The following WNK3 variants were observed in gnomAD, a reference collection of about 807,000 sequenced individuals.
WNK3 encodes the protein serine/threonine-protein kinase WNK3.
WNK3 carries 18 observed loss-of-function variants against 116.7 expected under a neutral mutation model. The ratio of observed to expected loss-of-function variants is 0.15; its 90% CI spans 0.11 to 0.23. The LOEUF is 0.23. WNK3 is among the 10% of genes least tolerant of loss of function. WNK3 has a pLI of 1.00. For synonymous variants in WNK3, 404 were observed against 469.4 expected (o/e 0.86, Z 1.80); for missense variants, 993 against 1,323.8 (o/e 0.75, Z 3.88).
intron 13 of WNK3, among the ~76,000 whole-genome samples, chrX:54,252,264 A>G (rs1343823368): frequency 9.0e-6 from 1 of 111,337 alleles, no homozygotes; most frequent in East Asian, 2.8e-4. Flanking sequence ...ATTTTAAAAA[A>G]TATGTCATTC....
In WNK3 at chrX:54,333,262, C is replaced by T. The variant is rs1557174633; in HGVS notation, c.412G>A (p.Val138Ile). The change falls in exon 2 of 24, where the codon GTA (valine) becomes ATA (isoleucine). Residue 138 changes from valine (V) to isoleucine (I), a missense_variant. Val to Ile is a conservative substitution (Grantham distance 29). Around this residue, in one of 4 missense-constraint regions of WNK3, gnomAD observed 92 missense variants for 98.7 expected, o/e 0.93. Transcript: ENST00000354646. ...AATCTGCCACTAGGAGAAGTAGCTACAGCCTTCATTTCTGCTTCTTCTTCC... is the reference window on the plus strand; with the variant it reads ...AATCTGCCACTAGGAGAAGTAGCTATAGCCTTCATTTCTGCTTCTTCTTCC... 1 of 1,210,904 alleles carries T rather than the reference C, an allele frequency of 8.3e-7. No individual in the cohort carries two copies. Among genetic ancestry groups the T allele is most frequent in the African/African-American group, 1.7e-5 (1 of 57,851 alleles).
chrX:54,215,657 T>C (rs2067682871), intron 22 of WNK3, among the ~76,000 whole-genome samples: 1 of 110,603 alleles, frequency 9.0e-6, no homozygotes. Context: ...TCATCCCGTC[T>C]AGGAAGTGAG....
intron 17 of WNK3, among the ~76,000 whole-genome samples, chrX:54,246,241 G>A (rs1449229477): frequency 3.6e-5 from 4 of 111,067 alleles, no homozygotes; most frequent in Non-Finnish European, 7.5e-5. Context: ...AAAATAGGTT[G>A]CTATGAAAAT....
At chrX:54,281,731 GT>G (rs1489070688) in intron 10 of WNK3, among the ~76,000 whole-genome samples, 1 of 111,121 alleles carries the variant, frequency 9.0e-6, no homozygotes, top group Non-Finnish European at 1.9e-5. Context: ...CATCCATGTT[GT>G]CACAAATAGC....
At chrX:54,233,150 C>T (rs1401435699) in intron 20 of WNK3, 130 bp from the exon 21 acceptor site, 3 of 494,596 alleles carry the variant, frequency 6.1e-6, no homozygotes, top group Non-Finnish European at 9.9e-6. Flanking sequence ...AGAGACTAGG[C>T]ACAATGGCTT....
chrX:54,330,732 C>A (rs892411848), intron 2 of WNK3, among the ~76,000 whole-genome samples: 6 of 112,193 alleles, frequency 5.3e-5, no homozygotes, highest in Non-Finnish European at 5.6e-5. Flanking sequence ...ATGGCTTGAG[C>A]CCAGGAGTTT....
chrX:54,226,086 C>A (rs2067832501), intron 22 of WNK3, among the ~76,000 whole-genome samples: 1 of 52,146 alleles, frequency 1.9e-5, no homozygotes, highest in Non-Finnish European at 3.0e-5. Flanking sequence ...AAGGAGATAT[C>A]CACATACCCA....
intron 2 of WNK3, among the ~76,000 whole-genome samples, chrX:54,328,631 G>A (rs1169759557): frequency 9.0e-6 from 1 of 111,006 alleles, no homozygotes; most frequent in Non-Finnish European, 1.9e-5. Flanking sequence ...AGAAGACGAA[G>A]CAATATCCAA....
chrX:54,193,159 C>T (rs1356998717), exon 24 of WNK3: 1 of 111,995 alleles, frequency 8.9e-6, no homozygotes, highest in Non-Finnish European at 1.9e-5. Context: ...ATTCTGCATA[C>T]TTCATAGTAA....
chrX:54,342,994 G>A (rs1288220311), intron 1 of WNK3, among the ~76,000 whole-genome samples: 1 of 110,766 alleles, frequency 9.0e-6, no homozygotes, highest in Non-Finnish European at 1.9e-5. Context: ...GACTACAGGC[G>A]TGAGCCTCCA....
chrX:54,311,472 C>G (rs1359628754), intron 2 of WNK3, among the ~76,000 whole-genome samples, 181 bp from the exon 3 acceptor site: 3 of 112,027 alleles, frequency 2.7e-5, no homozygotes, highest in African/African-American at 6.5e-5. Flanking sequence ...GCTACTGTGA[C>G]TCCTCCAACA....
Position 54,286,587 on chromosome X carries a change from AT to A in WNK3, c.2037+6300del, listed in dbSNP as rs1299021610. On this transcript the variant is annotated intron_variant, in intron 10 of 23. Coordinates refer to ENST00000354646, the Ensembl canonical transcript of WNK3. ...AAAGCAGGGGAGAAGAGCAAAAAGA[AT>A]AAGTCAGATTCTCAGTTCTTTGCTT... is the stretch of plus-strand genomic sequence containing the variant. Among the ~76,000 whole-genome samples, 7 of 111,384 alleles carry A rather than the reference AT, an allele frequency of 6.3e-5. No homozygotes were observed. In the East Asian group the frequency reaches 2.0e-3, roughly 31 times the overall value.
intron 22 of WNK3, among the ~76,000 whole-genome samples, chrX:54,213,503 G>A (rs1178231223): frequency 3.2e-5 from 3 of 94,712 alleles, no homozygotes; most frequent in South Asian, 5.1e-4. Context: ...GCAGTGAGCC[G>A]AGATCGCGCC....
intron 22 of WNK3, among the ~76,000 whole-genome samples, chrX:54,204,082 C>A (rs1444343759): frequency 9.0e-6 from 1 of 111,717 alleles, no homozygotes; most frequent in African/African-American, 3.3e-5. Context: ...TTTCTATGAA[C>A]CCTGTGCTAC....
intron 1 of WNK3, among the ~76,000 whole-genome samples, chrX:54,338,814 C>T (rs2069279227): frequency 9.2e-6 from 1 of 108,505 alleles, no homozygotes; most frequent in South Asian, 4.0e-4. Flanking sequence ...CCACACTGGC[C>T]AACATGGTGA....
At chrX:54,300,599 C>T (rs1227226741) in intron 6 of WNK3, among the ~76,000 whole-genome samples, 2 of 112,060 alleles carry the variant, frequency 1.8e-5, no homozygotes, top group African/African-American at 6.5e-5. Context: ...TACTAATATG[C>T]TATAAATCCT....
chrX:54,271,022 G>T (rs782712350), intron 10 of WNK3, among the ~76,000 whole-genome samples: 1 of 111,558 alleles, frequency 9.0e-6, no homozygotes, highest in African/African-American at 3.2e-5. Context: ...CAGGTGATCT[G>T]CCCGCCTTGG....
Position 54,292,025 on chromosome X carries a change from T to A in WNK3, c.2037+863A>T. 2.7e-5 allele frequency among the ~76,000 whole-genome samples: 3 copies of A among 111,741 alleles called. No homozygotes were observed. The Middle Eastern group carries it at 0.014, about 515-fold the overall frequency. On this transcript the variant is annotated intron_variant, in intron 10 of 23. Coordinates refer to ENST00000354646, the Ensembl canonical transcript of WNK3. ...GAATCCATAACCTAGGGAACCAGGA[T>A]ATAGTCTTAATATATAAACTCACAC...
At chrX:54,356,126 G>A (rs1557179354) in intron 1 of WNK3, among the ~76,000 whole-genome samples, 1 of 111,365 alleles carries the variant, frequency 9.0e-6, no homozygotes, top group East Asian at 2.8e-4. Context: ...ATCCATAACC[G>A]TTAATCTTGA....
Sources: gnomAD v4.1 joint callset for allele counts (sites outside exome capture counted in the v4.1 genomes callset) on GRCh38, gnomAD v4.1.1 for gene constraint, gnomAD v4.1.1 regional missense constraint, MANE v1.5 for transcripts, NCBI Gene and HGNC (gene_info 2026-07-23, HGNC 2026-07-21) for gene names.